The following SLCO5A1 variants were observed in gnomAD, a reference collection of about 807,000 sequenced individuals.
SLCO5A1 encodes solute carrier organic anion transporter family member 5A1, also known as organic anion transporter polypeptide-related protein 4.
SLCO5A1 carries 39 observed loss-of-function variants against 65.1 expected under a neutral mutation model. That is an observed-to-expected ratio of 0.60 (90% confidence interval 0.46 to 0.78). The LOEUF is 0.78. SLCO5A1 is among the 30% of genes least tolerant of loss of function. The probability of loss-of-function intolerance (pLI) is 0.00; values close to 1 mark genes in which losing one functional copy is unlikely to be tolerated. For missense variants in SLCO5A1, 1,029 were observed against 1,069.4 expected (o/e 0.96, Z 0.53); for synonymous variants, 438 against 415.7 (o/e 1.05, Z -0.65).
intron 6 of SLCO5A1, among the ~76,000 whole-genome samples, chr8:69,693,963 G>C (rs1814383725): frequency 6.6e-6 from 1 of 152,206 alleles, no homozygotes; most frequent in African/African-American, 2.4e-5. Flanking sequence ...ATGTGGCAAG[G>C]CTCAGGTGAA....
chr8:69,784,916 A>AAGAAAGAAAG (rs1818979719), intron 2 of SLCO5A1, among the ~76,000 whole-genome samples: 1 of 121,564 alleles, frequency 8.2e-6, no homozygotes, highest in South Asian at 2.5e-4. Flanking sequence ...GAAAGAAAGA[A>AAGAAAGAAAG]AGAAAGAAAG....
intron 6 of SLCO5A1, among the ~76,000 whole-genome samples, chr8:69,692,185 C>G (rs920918559): frequency 6.6e-6 from 1 of 152,072 alleles, no homozygotes; most frequent in Admixed American, 6.6e-5. Flanking sequence ...GGAGGCGGAG[C>G]TTGCAGTGAG....
chr8:69,734,023 C>G (rs545697567), intron 5 of SLCO5A1, among the ~76,000 whole-genome samples: 3,897 of 152,208 alleles, frequency 0.026, 176 homozygotes, highest in African/African-American at 0.086. Flanking sequence ...GACACAGACC[C>G]CACTGTTCAG....
Position 69,668,016 on chromosome 8 carries a change from C to A in SLCO5A1, c.*4853G>T, listed in dbSNP as rs750485604. The A allele has an allele frequency of 6.6e-6, 1 of 152,148 alleles. No homozygotes were observed. Among genetic ancestry groups the A allele is most frequent in the Non-Finnish European group, 1.5e-5 (1 of 68,030 alleles). 9.4% of individuals were successfully genotyped at this position (152,148 alleles called of 1,614,324 possible). ...GTGGCGCTTTTTAGTGGTGAACATG[C>A]GTCATTAAATACTTTTTAGCACCAA... On this transcript the variant is annotated 3_prime_UTR_variant, in exon 10 of 10. Coordinates refer to ENST00000260126, the MANE Select transcript of SLCO5A1 (RefSeq NM_030958.3).
intron 2 of SLCO5A1, among the ~76,000 whole-genome samples, chr8:69,765,124 G>A (rs1163906433): frequency 6.6e-6 from 1 of 152,000 alleles, no homozygotes; most frequent in Non-Finnish European, 1.5e-5. Context: ...ATATATCTGT[G>A]TGCCTGTGTG....
At chr8:69,729,920 C>G (rs1465648856) in intron 5 of SLCO5A1, among the ~76,000 whole-genome samples, 9 of 152,136 alleles carry the variant, frequency 5.9e-5, no homozygotes, top group Admixed American at 5.9e-4. Context: ...GTAAAGTAGA[C>G]CAATACAATT....
intron 6 of SLCO5A1, among the ~76,000 whole-genome samples, chr8:69,687,037 G>C (rs1208290954): frequency 8.0e-6 from 1 of 125,082 alleles, no homozygotes; most frequent in Non-Finnish European, 1.7e-5. Flanking sequence ...CACGCGCTAA[G>C]ATATTGGTAT....
intron 2 of SLCO5A1, among the ~76,000 whole-genome samples, chr8:69,822,833 T>G (rs1282625164): frequency 3.3e-5 from 5 of 152,218 alleles, no homozygotes; most frequent in Non-Finnish European, 7.3e-5. Context: ...GAAACTAAAA[T>G]ACAATTTTTC....
chr8:69,694,144 G>C (rs1191945959), intron 6 of SLCO5A1, among the ~76,000 whole-genome samples: 1 of 152,204 alleles, frequency 6.6e-6, no homozygotes, highest in Non-Finnish European at 1.5e-5. Flanking sequence ...GTGCATGCAG[G>C]TGCGTACGTG....
At chr8:69,740,635 AC>A (rs1816753904) in intron 4 of SLCO5A1, among the ~76,000 whole-genome samples, 1 of 152,198 alleles carries the variant, frequency 6.6e-6, no homozygotes, top group Non-Finnish European at 1.5e-5. Context: ...ATTTCTAAAA[AC>A]CATCTTCTAA....
At chr8:69,729,114 C>G (rs1056872608) in intron 5 of SLCO5A1, among the ~76,000 whole-genome samples, 4 of 152,004 alleles carry the variant, frequency 2.6e-5, no homozygotes, top group African/African-American at 9.7e-5. Flanking sequence ...TAAGGGGCTC[C>G]CAATGGCCAA....
At chr8:69,831,192 G>A (rs564957001) in intron 2 of SLCO5A1, among the ~76,000 whole-genome samples, 3 of 151,864 alleles carry the variant, frequency 2.0e-5, no homozygotes, top group African/African-American at 4.8e-5. Flanking sequence ...CCCAGGAGGC[G>A]GAGGTTGCAG....
At chr8:69,761,125 C>G (rs1817753757) in intron 3 of SLCO5A1, among the ~76,000 whole-genome samples, 1 of 152,206 alleles carries the variant, frequency 6.6e-6, no homozygotes, top group Non-Finnish European at 1.5e-5. Context: ...TTCCTTCACT[C>G]TGCTATAAAG....
intron 2 of SLCO5A1, among the ~76,000 whole-genome samples, chr8:69,767,819 G>A (rs1012213161): frequency 1.3e-5 from 2 of 148,764 alleles, no homozygotes; most frequent in African/African-American, 5.0e-5. Flanking sequence ...GAACCCGAGA[G>A]GCAGAGGTTG....
intron 2 of SLCO5A1, among the ~76,000 whole-genome samples, chr8:69,829,205 A>T (rs769455710): frequency 1.3e-5 from 2 of 152,246 alleles, no homozygotes; most frequent in Non-Finnish European, 2.9e-5. Flanking sequence ...CCTCTGACAT[A>T]GTCAGACCAA....
intron 6 of SLCO5A1, among the ~76,000 whole-genome samples, chr8:69,683,383 A>G (rs1295482272): frequency 6.6e-6 from 1 of 152,150 alleles, no homozygotes; most frequent in African/African-American, 2.4e-5. Flanking sequence ...AATGTCTGTT[A>G]CGTACCAGGT....
chr8:69,781,560 T>C (rs1818794014), intron 2 of SLCO5A1, among the ~76,000 whole-genome samples: 1 of 152,254 alleles, frequency 6.6e-6, no homozygotes, highest in African/African-American at 2.4e-5. Flanking sequence ...TAAGATACTG[T>C]GCTAAGGCCT....
At chr8:69,773,496 G>A (rs779745758) in intron 2 of SLCO5A1, among the ~76,000 whole-genome samples, 1 of 152,156 alleles carries the variant, frequency 6.6e-6, no homozygotes, top group Non-Finnish European at 1.5e-5. Context: ...AGAGTCCAGA[G>A]TACCAGAGGC....
At chr8:69,757,168 C>T (rs1646004405) in intron 3 of SLCO5A1, among the ~76,000 whole-genome samples, 1 of 152,056 alleles carries the variant, frequency 6.6e-6, no homozygotes. Context: ...GTGCTATTTT[C>T]AAAGATATTT....
Sources: allele counts gnomAD v4.1 joint callset (sites outside exome capture counted in the v4.1 genomes callset), GRCh38; gene constraint gnomAD v4.1.1; transcripts MANE v1.5; gene names NCBI Gene and HGNC (gene_info 2026-07-23, HGNC 2026-07-21).